ARHGAP39: variants seen among roughly 807,000 people sequenced by gnomAD.
The protein encoded by ARHGAP39 is rho GTPase-activating protein 39.
In ARHGAP39, 44 loss-of-function variants were observed where a neutral mutation model predicts 106.9. The ratio of observed to expected loss-of-function variants is 0.41; its 90% CI spans 0.32 to 0.53. The LOEUF (loss-of-function observed/expected upper bound fraction) is 0.53. Ranked by LOEUF, ARHGAP39 falls within the 20% of genes least tolerant of loss-of-function variation. The pLI, the probability that ARHGAP39 is intolerant of heterozygous loss-of-function variation, is 0.21. For synonymous variants in ARHGAP39, 768 were observed against 693.2 expected (o/e 1.11, Z -1.69); for missense variants, 1,496 against 1,577.3 (o/e 0.95, Z 0.87).
chr8:144,541,957 A>G (rs1586881692), intron 6 of ARHGAP39, among the ~76,000 whole-genome samples: 1 of 140,622 alleles, frequency 7.1e-6, no homozygotes, highest in African/African-American at 2.8e-5. Flanking sequence ...GTACCATTTT[A>G]CATTCCTTTC....
intron 9 of ARHGAP39, among the ~76,000 whole-genome samples, 177 bp from the exon 10 acceptor site, chr8:144,532,573 G>A (rs1816774388): frequency 6.6e-6 from 1 of 152,214 alleles, no homozygotes; most frequent in Non-Finnish European, 1.5e-5. Context: ...GCGCTCTTCA[G>A]GATTCCTGCC....
At chr8:144,549,180 C>T (rs111719328) in intron 4 of ARHGAP39, among the ~76,000 whole-genome samples, 2,158 of 152,354 alleles carry the variant, frequency 0.014, 47 homozygotes, top group African/African-American at 0.048. Flanking sequence ...GGCAGCACTG[C>T]GGGGCAGATA....
At chr8:144,570,918 C>T (rs1480604143) in intron 3 of ARHGAP39, among the ~76,000 whole-genome samples, 1 of 152,098 alleles carries the variant, frequency 6.6e-6, no homozygotes, top group African/African-American at 2.4e-5. Context: ...TACACCCTCC[C>T]AAGACTAAAC....
Position 144,595,061 on chromosome 8 carries a change from T to C in ARHGAP39, c.80+10474A>G, listed in dbSNP as rs533003090. ...CAAAAATAATAAAACCCCACAGAGT[T>C]ACCACCTGACCCAGCAATTCCACAA... On this transcript the variant is annotated intron_variant, in intron 2 of 11. Coordinates refer to ENST00000377307, the MANE Select transcript of ARHGAP39 (RefSeq NM_025251.3). 5.2e-4 allele frequency among the ~76,000 whole-genome samples: 79 copies of C among 152,228 alleles called. No individual in the cohort carries two copies. In the South Asian group the frequency reaches 0.016, roughly 32 times the overall value.
intron 3 of ARHGAP39, among the ~76,000 whole-genome samples, chr8:144,562,779 C>T (rs545950076): frequency 2.0e-5 from 3 of 151,706 alleles, no homozygotes; most frequent in Non-Finnish European, 2.9e-5. Context: ...TGGTTTCCAT[C>T]GGACTCACTC....
At chr8:144,540,091 C>T (rs1817127899) in intron 6 of ARHGAP39, among the ~76,000 whole-genome samples, 1 of 152,212 alleles carries the variant, frequency 6.6e-6, no homozygotes, top group Admixed American at 6.5e-5. Flanking sequence ...ACAGGTCTTA[C>T]ATGTCCTTTG....
chr8:144,657,688 T>TA (rs1563726728), intron 1 of ARHGAP39, among the ~76,000 whole-genome samples: 2 of 152,138 alleles, frequency 1.3e-5, no homozygotes, highest in Admixed American at 6.6e-5. Flanking sequence ...GTTTAACATT[T>TA]AAAAAATCAA....
At chr8:144,638,126 AT>A (rs1306383240) in intron 1 of ARHGAP39, among the ~76,000 whole-genome samples, 2 of 152,146 alleles carry the variant, frequency 1.3e-5, no homozygotes, top group Non-Finnish European at 2.9e-5. Flanking sequence ...TTAAAAGATA[AT>A]TTTGTTGGAT....
Position 144,547,476 on chromosome 8 carries a change from T to C in ARHGAP39, c.1610A>G (p.Lys537Arg), listed in dbSNP as rs1165036638. ...CCCTTCGGCCTCACCTTCCGCTCGC[T>C]TCACGGGGGCGAGGCTGGTCCCGCA... ...PPCGTSLAPV[K>R]RAEGEAEGAR... Residue 537 changes from lysine (K) to arginine (R), a missense_variant, in exon 5 of 12, where the codon AAG (lysine) becomes AGG (arginine). This residue lies in a region of ARHGAP39 where 905 missense variants were observed against 816.4 expected (regional missense o/e 1.11). Transcript: ENST00000377307. The surrounding 1 kb of genome is among the most constrained non-coding windows in gnomAD (Gnocchi z 5.2). The C allele has an allele frequency of 7.1e-6, 11 of 1,541,128 alleles. No homozygotes were observed. Among genetic ancestry groups the C allele is most frequent in the East Asian group, 2.3e-5 (1 of 42,888 alleles).
At chr8:144,624,473 C>T (rs1272323145) in intron 1 of ARHGAP39, among the ~76,000 whole-genome samples, 1 of 152,260 alleles carries the variant, frequency 6.6e-6, no homozygotes, top group Non-Finnish European at 1.5e-5. Flanking sequence ...AGTGAAGACT[C>T]GCCTGTGTGG....
the ARHGAP39 span, among the ~76,000 whole-genome samples, chr8:144,693,467 G>A: frequency 1.2e-4 from 18 of 152,100 alleles, no homozygotes; most frequent in Admixed American, 7.2e-4. Flanking sequence ...TCCGCCTCCC[G>A]GGTTCATGCC....
intron 7 of ARHGAP39, 92 bp downstream of exon 7, chr8:144,537,629 G>A: frequency 1.3e-6 from 1 of 778,960 alleles, no homozygotes; most frequent in Non-Finnish European, 2.1e-6. Context: ...CCCCCGCCCA[G>A]AAGCGGTTAG....
At chr8:144,691,825 ACTT>A in the ARHGAP39 span, among the ~76,000 whole-genome samples, 1 of 151,494 alleles carries the variant, frequency 6.6e-6, no homozygotes, top group Non-Finnish European at 1.5e-5. Context: ...CTCAGACTAA[ACTT>A]CTTTGGATCG....
chr8:144,546,859 G>T (rs1234586501), intron 5 of ARHGAP39, among the ~76,000 whole-genome samples: 1 of 152,230 alleles, frequency 6.6e-6, no homozygotes, highest in Non-Finnish European at 1.5e-5. Context: ...TCAGGGTGTG[G>T]CCTCCAGCTC....
chr8:144,674,097 CCTTTT>C (rs1822170872), intron 1 of ARHGAP39, among the ~76,000 whole-genome samples: 1 of 151,948 alleles, frequency 6.6e-6, no homozygotes, highest in African/African-American at 2.4e-5. Context: ...GCTCTTCTCT[CCTTTT>C]CATTACCTGC....
At chr8:144,690,354 C>T (rs1351290862), upstream of ARHGAP39, among the ~76,000 whole-genome samples, 5 of 152,160 alleles carry the variant, frequency 3.3e-5, no homozygotes, top group Non-Finnish European at 7.4e-5. Context: ...CTCCCACCCA[C>T]GTTGGCCTCC....
intron 1 of ARHGAP39, among the ~76,000 whole-genome samples, chr8:144,615,561 G>A (rs1820611428): frequency 6.6e-6 from 1 of 152,180 alleles, no homozygotes; most frequent in Non-Finnish European, 1.5e-5. Flanking sequence ...CCTTTGCCAT[G>A]GCTATTCCTT....
intron 1 of ARHGAP39, among the ~76,000 whole-genome samples, chr8:144,643,124 C>T (rs1301062492): frequency 6.6e-6 from 1 of 152,182 alleles, no homozygotes; most frequent in Non-Finnish European, 1.5e-5. Context: ...TAGCCCTCCC[C>T]CTCCCCACCA....
chr8:144,594,564 G>A (rs752764912), intron 2 of ARHGAP39, among the ~76,000 whole-genome samples: 8 of 151,944 alleles, frequency 5.3e-5, no homozygotes, highest in Non-Finnish European at 8.8e-5. Context: ...TATGATGGTG[G>A]GCGCCTGTAA....
Sources: allele counts gnomAD v4.1 joint callset (sites outside exome capture counted in the v4.1 genomes callset), GRCh38; gene constraint gnomAD v4.1.1; regional missense constraint gnomAD v4.1.1; non-coding constraint Gnocchi (gnomAD v3.1); transcripts MANE v1.5; gene names NCBI Gene and HGNC (gene_info 2026-07-23, HGNC 2026-07-21).